Variants in HSP90AA1 observed in about 807,000 individuals in gnomAD.
The protein encoded by HSP90AA1 is heat shock protein 90 alpha family class A member 1, also known as heat shock protein HSP 90-alpha.
In HSP90AA1, 18 loss-of-function variants were observed where a neutral mutation model predicts 73.3. The ratio of observed to expected loss-of-function variants is 0.25; its 90% CI spans 0.17 to 0.36. The LOEUF (loss-of-function observed/expected upper bound fraction) is 0.36, where lower values mean the gene tolerates loss of function less well. Among genes scored for constraint, HSP90AA1 ranks in the 10% least tolerant of loss-of-function variants. The pLI, the probability that HSP90AA1 is intolerant of heterozygous loss-of-function variation, is 1.00. For missense variants in HSP90AA1, 704 were observed against 874.2 expected, an observed-to-expected ratio of 0.81 and a Z score of 2.45; for synonymous variants, 477 against 296.9, an observed-to-expected ratio of 1.61 and a Z score of -6.24.
rs1386591849 is a variant in HSP90AA1, at chr14:102,109,629, G to T, written c.156-7544C>A. Among the ~76,000 whole-genome samples, 3 of 152,154 alleles carry T rather than the reference G, an allele frequency of 2.0e-5. 1 individual carries two copies. Among genetic ancestry groups the T allele is most frequent in the South Asian group, 4.1e-4 (2 of 4,832 alleles). The stretch of plus-strand genomic sequence containing the variant: ...AACCTATTTTTCTTCCCAGTCTTGG[G>T]TATGTCCTTACCAGCAGCATGAAAA... On this transcript the variant is annotated intron_variant, in intron 1 of 11. Transcript: ENST00000334701.
rs34283559 is a variant in HSP90AA1 at position 102,127,038 on chromosome 14, CTT to C, written c.155+12210_155+12211del. On this transcript the variant is annotated intron_variant, in intron 1 of 11. Coordinates refer to the HSP90AA1 transcript ENST00000334701. ...GAGGCTCTTCAGAGAGTGAGAAGTA[CTT>C]TTTTTTTTTTTTTAAATCACCTCTT... Among the ~76,000 whole-genome samples the C allele has an allele frequency of 4.5e-3, 657 of 146,246 alleles. 2 individuals carry two copies. Among genetic ancestry groups the C allele is most frequent in the African/African-American group, 6.1e-3 (245 of 39,886 alleles).
At chr14:102,109,291 C>T (rs1331273545) in intron 1 of HSP90AA1, among the ~76,000 whole-genome samples, 1 of 152,116 alleles carries the variant, frequency 6.6e-6, no homozygotes, top group Non-Finnish European at 1.5e-5. Context: ...ACAGTAGTTC[C>T]AAGTTGAATA....
chr14:102,139,643 C>T, exon 1 of HSP90AA1: 2 of 642,560 alleles, frequency 3.1e-6, no homozygotes, highest in South Asian at 2.0e-5. Flanking sequence ...TAGCTGAAGC[C>T]GGCATCACCT....
chr14:102,136,796 G>C (rs1002022437), intron 1 of HSP90AA1, among the ~76,000 whole-genome samples: 3 of 151,040 alleles, frequency 2.0e-5, no homozygotes, highest in Non-Finnish European at 4.4e-5. Context: ...GCAGAGGCAG[G>C]AGAATCGTTT....
rs561753554 is a variant in HSP90AA1, at chr14:102,082,098, G to A, written c.2089+13C>T. 3.9e-5 allele frequency: 61 copies of A among 1,546,540 alleles called. No individual in the cohort carries two copies. The South Asian group carries it at 5.9e-4, about 15-fold the overall frequency. On this transcript the variant is annotated intron_variant, in intron 10 of 10. Coordinates refer to ENST00000216281, the MANE Select transcript of HSP90AA1 (RefSeq NM_005348.4). ...TTTATTTTCTTTTTAACATTACATA[G>A]TATAAGGCTTACCCAGACCAAGTTT...
chr14:102,116,634 C>T (rs1311545899), intron 1 of HSP90AA1, among the ~76,000 whole-genome samples: 1 of 152,234 alleles, frequency 6.6e-6, no homozygotes, highest in African/African-American at 2.4e-5. Flanking sequence ...CCTACTGCCA[C>T]TGCGGAGAGG....
intron 8 of HSP90AA1, 98 bp from the exon 9 acceptor site, chr14:102,083,400 T>G: frequency 6.8e-7 from 1 of 1,468,644 alleles, no homozygotes; most frequent in Non-Finnish European, 9.5e-7. Context: ...AGGCAGAACC[T>G]AAGACAGAAA....
Position 102,107,215 on chromosome 14 carries a change from C to T in HSP90AA1, c.156-5130G>A, listed in dbSNP as rs578238042. Among the ~76,000 whole-genome samples the T allele has an allele frequency of 5.3e-5, 8 of 152,096 alleles. No homozygotes were observed. The East Asian group carries it at 1.5e-3, about 29-fold the overall frequency. The stretch of plus-strand genomic sequence containing the variant: ...GTGGGGAGTCTGGAAGCAGTAGTGC[C>T]CCAACCCTGGCCTGCCGCACATCCT... On this transcript the variant is annotated intron_variant, in intron 1 of 11. Transcript: ENST00000334701.
chr14:102,094,537 G>C (rs1434314617), intron 2 of HSP90AA1, among the ~76,000 whole-genome samples: 1 of 152,212 alleles, frequency 6.6e-6, no homozygotes, highest in Non-Finnish European at 1.5e-5. Context: ...GTGTGGGGAA[G>C]GGCATGCAGG....
At chr14:102,082,041 A>C (rs2049111971) in intron 10 of HSP90AA1, 70 bp downstream of exon 10, 1 of 1,117,398 alleles carries the variant, frequency 8.9e-7, no homozygotes, top group East Asian at 2.5e-5. Flanking sequence ...TGGATAACTG[A>C]AAGTTCACCA....
intron 1 of HSP90AA1, among the ~76,000 whole-genome samples, chr14:102,103,918 T>G (rs2049529427): frequency 6.6e-6 from 1 of 151,478 alleles, no homozygotes; most frequent in African/African-American, 2.4e-5. Flanking sequence ...GGAGGAGAAT[T>G]ACTTGAACAT....
intron 1 of HSP90AA1, among the ~76,000 whole-genome samples, chr14:102,138,215 T>A (rs1295094113): frequency 3.4e-5 from 5 of 148,572 alleles, no homozygotes; most frequent in Admixed American, 1.3e-4. Flanking sequence ...TCGCTGGGTT[T>A]TTTTCCCCCC....
At chr14:102,117,144 G>C (rs577110379) in intron 1 of HSP90AA1, among the ~76,000 whole-genome samples, 2 of 152,190 alleles carry the variant, frequency 1.3e-5, no homozygotes, top group East Asian at 1.9e-4. Context: ...GACGCCAAGG[G>C]GGGTGCTAAG....
upstream of HSP90AA1, among the ~76,000 whole-genome samples, chr14:102,091,617 C>T (rs1284667245): frequency 1.3e-5 from 2 of 151,912 alleles, no homozygotes; most frequent in South Asian, 4.2e-4. Context: ...CAGAGTGAGA[C>T]TGTCTCAAAA....
At chr14:102,088,567 C>A (rs951555449), upstream of HSP90AA1, among the ~76,000 whole-genome samples, 6 of 152,210 alleles carry the variant, frequency 3.9e-5, no homozygotes, top group Middle Eastern at 3.2e-3. Flanking sequence ...CCACGTGGCG[C>A]GGGCCCCAGC....
chr14:102,095,248 G>A (rs1323592736), intron 2 of HSP90AA1, among the ~76,000 whole-genome samples: 1 of 152,210 alleles, frequency 6.6e-6, no homozygotes, highest in Non-Finnish European at 1.5e-5. Flanking sequence ...GGGCCAGAAA[G>A]CCTGGGATCT....
chr14:102,117,952 T>A (rs2049728039), intron 1 of HSP90AA1, among the ~76,000 whole-genome samples: 1 of 152,192 alleles, frequency 6.6e-6, no homozygotes, highest in East Asian at 1.9e-4. Flanking sequence ...GCTTGCGATG[T>A]CCCTGGTCCA....
chr14:102,123,690 T>G (rs2049807080), intron 1 of HSP90AA1, among the ~76,000 whole-genome samples: 3 of 152,144 alleles, frequency 2.0e-5, no homozygotes, highest in African/African-American at 7.2e-5. Context: ...TATGAACATG[T>G]TCTAAATATA....
chr14:102,086,544 C>T (rs1480895234), intron 1 of HSP90AA1, among the ~76,000 whole-genome samples, 166 bp from the exon 2 acceptor site: 1 of 152,152 alleles, frequency 6.6e-6, no homozygotes, highest in African/African-American at 2.4e-5. Flanking sequence ...CATTTCGGAG[C>T]GCGGCAACTA....
Sources: allele counts gnomAD v4.1 joint callset (sites outside exome capture counted in the v4.1 genomes callset), GRCh38; gene constraint gnomAD v4.1.1; transcripts MANE v1.5; gene names NCBI Gene and HGNC (gene_info 2026-07-23, HGNC 2026-07-21).